The following NCOA7 variants were observed in gnomAD, a reference collection of about 807,000 sequenced individuals.
NCOA7 encodes the protein nuclear receptor coactivator 7.
A neutral mutation model predicts 104.3 loss-of-function variants in NCOA7; 45 were observed. That is an observed-to-expected ratio of 0.43 (90% CI 0.34 to 0.55). The LOEUF (loss-of-function observed/expected upper bound fraction) is 0.55, where lower values mean the gene tolerates loss of function less well. NCOA7 is among the 20% of genes least tolerant of loss of function. The probability of loss-of-function intolerance (pLI) is 0.02; values close to 1 mark genes in which losing one functional copy is unlikely to be tolerated. For synonymous variants in NCOA7, 398 were observed against 402.3 expected, an observed-to-expected ratio of 0.99 and a Z score of 0.13; for missense variants, 1,041 against 1,119.7, an observed-to-expected ratio of 0.93 and a Z score of 1.00.
chr6:125,800,554 TAAC>T (rs1775788394), intron 1 of NCOA7, among the ~76,000 whole-genome samples: 1 of 152,248 alleles, frequency 6.6e-6, no homozygotes, highest in African/African-American at 2.4e-5. Flanking sequence ...TACTTAGCCA[TAAC>T]AAGTCAAAAA....
intron 1 of NCOA7, among the ~76,000 whole-genome samples, chr6:125,806,295 C>T (rs1447267490): frequency 2.0e-5 from 3 of 152,056 alleles, no homozygotes; most frequent in Middle Eastern, 3.2e-3. Flanking sequence ...GAGCCGAGAT[C>T]GTGGCACTGC....
At chr6:125,881,011 A>C in intron 5 of NCOA7, 79 bp from the exon 6 acceptor site, 4 of 920,866 alleles carry the variant, frequency 4.3e-6, no homozygotes, top group Non-Finnish European at 7.3e-6. Context: ...GATACTGTGT[A>C]GAGAATAACT....
At chr6:125,841,075 T>G (rs534112236) in intron 2 of NCOA7, among the ~76,000 whole-genome samples, 1 of 151,194 alleles carries the variant, frequency 6.6e-6, no homozygotes, top group Admixed American at 6.6e-5. Context: ...GTAGTTTTAG[T>G]AGAGACAGGA....
intron 10 of NCOA7, among the ~76,000 whole-genome samples, chr6:125,904,865 C>G (rs1466428506): frequency 6.6e-6 from 1 of 152,172 alleles, no homozygotes; most frequent in Non-Finnish European, 1.5e-5. Context: ...TTTTGCCTGT[C>G]TGCTGTTTCT....
intron 1 of NCOA7, among the ~76,000 whole-genome samples, chr6:125,782,068 TA>T (rs952817047): frequency 2.6e-5 from 4 of 152,052 alleles, no homozygotes; most frequent in African/African-American, 7.2e-5. Context: ...CCTTAGTATT[TA>T]AAAAAAAGAA....
intron 11 of NCOA7, among the ~76,000 whole-genome samples, chr6:125,919,640 C>T (rs1241677584): frequency 4.6e-5 from 7 of 151,720 alleles, no homozygotes; most frequent in Non-Finnish European, 7.4e-5. Context: ...TTTCATTCCA[C>T]AGCCTCATTT....
intron 1 of NCOA7, among the ~76,000 whole-genome samples, chr6:125,800,229 AT>A (rs1775763375): frequency 6.6e-6 from 1 of 152,186 alleles, no homozygotes; most frequent in African/African-American, 2.4e-5. Context: ...TAGATCTTGC[AT>A]TTTCTGGAAA....
Position 125,862,208 on chromosome 6 carries a change from A to C in NCOA7, c.271+6968A>C, listed in dbSNP as rs1782122891. 1.5e-5 allele frequency among the ~76,000 whole-genome samples: 2 copies of C among 137,038 alleles called. 1 individual carries two copies. The highest frequency in any genetic ancestry group is 6.1e-5 in the African/African-American group (2 of 32,570). 89.9% of individuals were successfully genotyped at this position (137,038 alleles called of 152,430 possible). On this transcript the variant is annotated intron_variant, in intron 3 of 15. Transcript: ENST00000392477. Reference sequence around the variant, plus strand: ...TAAGAAGATGCTTTCATGAGCTAAAACTCATGCCTAAGTGGAGAAATAAGA... The same window carrying C: ...TAAGAAGATGCTTTCATGAGCTAAACCTCATGCCTAAGTGGAGAAATAAGA...
intron 1 of NCOA7, among the ~76,000 whole-genome samples, chr6:125,798,848 T>A (rs1775596117): frequency 6.6e-6 from 1 of 152,220 alleles, no homozygotes; most frequent in Non-Finnish European, 1.5e-5. Flanking sequence ...ATTTTTGACT[T>A]TTTTAAAGCA....
intron 2 of NCOA7, among the ~76,000 whole-genome samples, chr6:125,836,322 G>A (rs183791657): frequency 6.6e-6 from 1 of 152,132 alleles, no homozygotes; most frequent in South Asian, 2.1e-4. Flanking sequence ...AAGTTGTAAT[G>A]TATACATGCG....
chr6:125,819,359 C>T (rs1777932435), intron 2 of NCOA7, among the ~76,000 whole-genome samples: 1 of 151,398 alleles, frequency 6.6e-6, no homozygotes, highest in Non-Finnish European at 1.5e-5. Context: ...TTGAAATATG[C>T]CTGTGTAACT....
intron 2 of NCOA7, among the ~76,000 whole-genome samples, chr6:125,845,080 C>T (rs1441854067): frequency 6.6e-6 from 1 of 152,154 alleles, no homozygotes; most frequent in African/African-American, 2.4e-5. Context: ...ACGATTCAAA[C>T]ACAAACGTTT....
rs114094663 is a variant in NCOA7, at chr6:125,835,307, C to T, written c.51-19713C>T. Among the ~76,000 whole-genome samples, 245 of 152,108 alleles carry T rather than the reference C, an allele frequency of 1.6e-3. 1 individual carries two copies. The highest frequency in any genetic ancestry group is 5.3e-3 in the African/African-American group (220 of 41,490). On this transcript the variant is annotated intron_variant, in intron 2 of 15. Transcript: ENST00000392477. ...TGTTGGCATGGAGCAACCTTACTTACGCAAATTCCTGTAATAGTCAGGAAG... is the reference window on the plus strand; with the variant it reads ...TGTTGGCATGGAGCAACCTTACTTATGCAAATTCCTGTAATAGTCAGGAAG...
intron 2 of NCOA7, among the ~76,000 whole-genome samples, chr6:125,837,492 T>C (rs1280023709): frequency 1.3e-5 from 2 of 152,230 alleles, no homozygotes; most frequent in African/African-American, 2.4e-5. Context: ...TCCATCTCTC[T>C]GACCTTTTAC....
intron 11 of NCOA7, among the ~76,000 whole-genome samples, chr6:125,920,532 T>C (rs971227178): frequency 6.6e-6 from 1 of 152,224 alleles, no homozygotes; most frequent in East Asian, 1.9e-4. Flanking sequence ...AATCAGCAGC[T>C]ATACTAAAAC....
chr6:125,919,909 T>G (rs767638081), intron 11 of NCOA7, among the ~76,000 whole-genome samples: 1 of 152,224 alleles, frequency 6.6e-6, no homozygotes, highest in Non-Finnish European at 1.5e-5. Flanking sequence ...ACTTAAATGT[T>G]TTTCTCTATA....
intron 3 of NCOA7, among the ~76,000 whole-genome samples, chr6:125,856,327 G>A (rs1036832856): frequency 6.6e-6 from 1 of 150,794 alleles, no homozygotes; most frequent in South Asian, 2.1e-4. Flanking sequence ...GAAGACATAT[G>A]TTTATGTCTC....
intron 10 of NCOA7, among the ~76,000 whole-genome samples, chr6:125,891,106 T>C (rs112448180): frequency 1.5e-3 from 221 of 152,312 alleles, no homozygotes; most frequent in African/African-American, 5.1e-3. Context: ...TAATTAGAAG[T>C]GCTCTTTCAT....
chr6:125,826,475 G>A (rs1202922550), intron 2 of NCOA7, among the ~76,000 whole-genome samples: 1 of 151,860 alleles, frequency 6.6e-6, no homozygotes, highest in East Asian at 1.9e-4. Flanking sequence ...ACCTTTCTGT[G>A]ATTTTGAATA....
Sources: gnomAD v4.1 joint callset for allele counts (sites outside exome capture counted in the v4.1 genomes callset) on GRCh38, gnomAD v4.1.1 for gene constraint, MANE v1.5 for transcripts, NCBI Gene and HGNC (gene_info 2026-07-23, HGNC 2026-07-21) for gene names.